The following PLEKHG6 variants were observed in gnomAD, a reference collection of about 807,000 sequenced individuals.
The protein encoded by PLEKHG6 is pleckstrin homology domain-containing family G member 6.
A neutral mutation model predicts 97.5 loss-of-function variants in PLEKHG6; 91 were observed. The observed-to-expected ratio is 0.93, with a 90% CI of 0.79 to 1.11. The LOEUF (loss-of-function observed/expected upper bound fraction) is 1.11, where lower values mean the gene tolerates loss of function less well. Ranked by LOEUF, PLEKHG6 falls within the 50% of genes most tolerant of loss-of-function variation. PLEKHG6 has a pLI of 0.00. For missense variants in PLEKHG6, 1,044 were observed against 1,031.0 expected, an observed-to-expected ratio of 1.01 and a Z score of -0.17; for synonymous variants, 466 against 425.5, an observed-to-expected ratio of 1.10 and a Z score of -1.17.
chr12:6,318,800 G>A lies in PLEKHG6; in HGVS notation c.1331G>A (p.Arg444His), dbSNP rs764740431. The A allele has an allele frequency of 1.2e-5, 19 of 1,614,114 alleles. No individual in the cohort carries two copies. The highest frequency in any genetic ancestry group is 3.3e-5 in the South Asian group (3 of 91,086). The change falls in exon 12 of 16, where the codon CGC (arginine) becomes CAC (histidine). Residue 444 changes from arginine to histidine, a missense_variant. By Grantham distance (29) the Arg-to-His change is conservative. Transcript: ENST00000684764. ...GTGCTCCTTGTGACCAAGCCCCAGC[G>A]CAAGGCGGACAAAGCCAAGGTCATC... ...SDVLLVTKPQRKADKAKVIRP... is the reference protein window; with the variant it reads ...SDVLLVTKPQHKADKAKVIRP...
At chr12:6,313,562 CT>C in intron 2 of PLEKHG6, 66 bp from the exon 3 acceptor site, 1 of 1,576,854 alleles carries the variant, frequency 6.3e-7, no homozygotes, top group Non-Finnish European at 8.6e-7. Context: ...GCCTGCCCCC[CT>C]ACTACCTCTC....
chr12:6,314,993 CG>C lies in PLEKHG6; in HGVS notation c.295-10del, dbSNP rs772275370. 6.2e-7 allele frequency: 1 copy of C among 1,611,200 alleles called. No homozygotes were observed. Among genetic ancestry groups the C allele is most frequent in the Non-Finnish European group, 8.5e-7 (1 of 1,178,566 alleles). On this transcript the variant is annotated splice_polypyrimidine_tract_variant and intron_variant, in intron 3 of 15. Transcript: ENST00000684764. ...ATGTGACCAGAGCTGATGCCCTTCT[CG>C]GCTCCCCCAGGAACTCACCAAGGCC...
Position 6,316,455 on chromosome 12 carries a change from G to C in PLEKHG6, c.756+51G>C. On this transcript the variant is annotated intron_variant, in intron 7 of 15. Transcript: ENST00000684764. This position sits in a 1 kb window ranked among gnomAD's most constrained non-coding sequence, Gnocchi z 4.1. ...GGATGGGGCAGGACTCGGAGCCCTC[G>C]GGGGTCCTGTGTGTAGGGCATGCCC... 6.7e-6 allele frequency: 10 copies of C among 1,499,870 alleles called. No individual in the cohort carries two copies. Among genetic ancestry groups the C allele is most frequent in the Non-Finnish European group, 9.0e-6 (10 of 1,114,466 alleles). 92.9% of individuals were successfully genotyped at this position (1,499,870 alleles called of 1,614,324 possible).
chr12:6,316,295 T>A lies in PLEKHG6; in HGVS notation c.647T>A (p.Ile216Asn). 6.4e-7 allele frequency: 1 copy of A among 1,555,662 alleles called. No homozygotes were observed. The highest frequency in any genetic ancestry group is 8.7e-7 in the Non-Finnish European group (1 of 1,148,726). The stretch of plus-strand genomic sequence containing the variant: ...CTGTTTGGAAATGTCCCCAGCCTGA[T>A]TCGAACCCACCGGAGCTTTTGGGAT... ...ETLFGNVPSL[I>N]RTHRSFWDEV... The change falls in exon 7 of 16, where the codon ATT becomes AAT. Residue 216 changes from isoleucine to asparagine, a missense_variant. Coordinates refer to ENST00000684764, the MANE Select transcript of PLEKHG6 (RefSeq NM_001384598.1). This position sits in a 1 kb window ranked among gnomAD's most constrained non-coding sequence, Gnocchi z 4.1.
chr12:6,325,142 A>G (rs970798479), intron 13 of PLEKHG6, among the ~76,000 whole-genome samples: 3 of 152,006 alleles, frequency 2.0e-5, no homozygotes, highest in Non-Finnish European at 2.9e-5. Flanking sequence ...CTCCGCCTCC[A>G]ACCTCAGCTC....
At position 6,315,822 on chromosome 12, in the gene PLEKHG6, C is replaced by T; in HGVS notation, c.556-47C>T. 2.6e-6 allele frequency: 4 copies of T among 1,516,334 alleles called. No homozygotes were observed. The highest frequency in any genetic ancestry group is 2.7e-6 in the Non-Finnish European group (3 of 1,119,640). The allele number at this position is 1,516,334 out of a possible 1,614,324, so 93.9% of individuals were successfully genotyped here. ...TGGTGGGGGGTGGGAGGTGACGACACTGAAGGGCTGCGCTGGGTCCTGAGA... is the reference window on the plus strand; with the variant it reads ...TGGTGGGGGGTGGGAGGTGACGACATTGAAGGGCTGCGCTGGGTCCTGAGA... On this transcript the variant is annotated intron_variant, in intron 5 of 15. Coordinates refer to ENST00000684764, the MANE Select transcript of PLEKHG6 (RefSeq NM_001384598.1). This position sits in a 1 kb window ranked among gnomAD's most constrained non-coding sequence, Gnocchi z 4.5.
intron 13 of PLEKHG6, among the ~76,000 whole-genome samples, chr12:6,324,289 C>T (rs1305915259): frequency 1.1e-5 from 1 of 87,046 alleles, no homozygotes; most frequent in African/African-American, 4.5e-5. Context: ...CCCCTCGCCC[C>T]CCTCCCCCCC....
chr12:6,312,840 G>A (rs1481076274), intron 2 of PLEKHG6: 1 of 1,271,822 alleles, frequency 7.9e-7, no homozygotes, highest in Non-Finnish European at 1.0e-6. Context: ...CCACCTGCCT[G>A]GCTCTCCTCC....
Position 6,316,278 on chromosome 12 carries a change from A to T in PLEKHG6, c.630A>T (p.Gly210=). 6.4e-7 allele frequency: 1 copy of T among 1,554,326 alleles called. No individual in the cohort carries two copies. The highest frequency in any genetic ancestry group is 8.7e-7 in the Non-Finnish European group (1 of 1,148,028). Reference sequence around the variant, plus strand: ...AGGTGTCAGCTGAGACCCTGTTTGGAAATGTCCCCAGCCTGATTCGAACCC... The same window carrying T: ...AGGTGTCAGCTGAGACCCTGTTTGGTAATGTCCCCAGCCTGATTCGAACCC... ...LMEVSAETLF[G]NVPSLIRTHR... Residue 210 remains glycine, a synonymous_variant, in exon 7 of 16, where the codon GGA becomes GGT. Transcript: ENST00000684764. The surrounding 1 kb of genome is among the most constrained non-coding windows in gnomAD (Gnocchi z 4.1).
chr12:6,322,025 G>A (rs1947721908), intron 13 of PLEKHG6, among the ~76,000 whole-genome samples: 1 of 152,092 alleles, frequency 6.6e-6, no homozygotes, highest in Non-Finnish European at 1.5e-5. Flanking sequence ...ATGACTACCT[G>A]CTTCCTAGGG....
At chr12:6,323,237 A>G (rs1947756621) in intron 13 of PLEKHG6, among the ~76,000 whole-genome samples, 1 of 152,262 alleles carries the variant, frequency 6.6e-6, no homozygotes, top group Non-Finnish European at 1.5e-5. Context: ...GTCAAGATCT[A>G]TAACCAAGAT....
intron 14 of PLEKHG6, 54 bp from the exon 15 acceptor site, chr12:6,327,200 T>C (rs1191381171): frequency 8.8e-7 from 1 of 1,142,664 alleles, no homozygotes; most frequent in African/African-American, 1.6e-5. Flanking sequence ...CAAGGGAAAC[T>C]CCCTGGACTT....
intron 11 of PLEKHG6, 78 bp from the exon 12 acceptor site, chr12:6,318,667 G>A: frequency 6.7e-7 from 1 of 1,498,810 alleles, no homozygotes; most frequent in African/African-American, 1.4e-5. Flanking sequence ...TGCGCACCAT[G>A]CCTGAGCCTC....
At chr12:6,312,749 T>C (rs955040736) in intron 2 of PLEKHG6, 7 of 1,164,616 alleles carry the variant, frequency 6.0e-6, no homozygotes, top group South Asian at 5.1e-5. Flanking sequence ...AGGATGAAGA[T>C]GAGCAAAGGT....
chr12:6,327,748 T>C lies in PLEKHG6; in HGVS notation c.2165T>C (p.Phe722Ser). 1 of 1,546,618 alleles carries C rather than the reference T, an allele frequency of 6.5e-7. No individual in the cohort carries two copies. The change falls in exon 15 of 16, where the codon TTC (phenylalanine) becomes TCC (serine). Residue 722 changes from phenylalanine (F) to serine (S), a missense_variant. Physicochemically the swap from Phe to Ser is radical, Grantham distance 155. Transcript: ENST00000684764. ...GAGGAGGAAGAAGAGGGGCCTCTGT[T>C]CCTGAAAGCTGGCCACACATCCCTG... ...SGEEEEEGPL[F>S]LKAGHTSLRP...
chr12:6,311,332 A>G (rs1298182105), intron 1 of PLEKHG6, among the ~76,000 whole-genome samples: 1 of 152,182 alleles, frequency 6.6e-6, no homozygotes, highest in Admixed American at 6.5e-5. Context: ...GAAACTGGAG[A>G]AACTCTAATT....
chr12:6,318,321 C>A lies in PLEKHG6; in HGVS notation c.1176C>A (p.Thr392=). The A allele has an allele frequency of 6.2e-7, 1 of 1,614,120 alleles. No homozygotes were observed. Among genetic ancestry groups the A allele is most frequent in the South Asian group, 1.1e-5 (1 of 91,090 alleles). Residue 392 remains threonine, a synonymous_variant, in exon 11 of 16, where the codon ACC becomes ACA. Coordinates refer to ENST00000684764, the MANE Select transcript of PLEKHG6 (RefSeq NM_001384598.1). The stretch of plus-strand genomic sequence containing the variant: ...CTCAGAACCTGCGCCCATTCTCCAC[C>A]CTGGACCTGACGTCCCCCATGCTGG... The part of the protein sequence containing the change: ...EVEKNLRPFS[T]LDLTSPMLGV...
chr12:6,313,601 C>T (rs1947347782), intron 2 of PLEKHG6, 28 bp from the exon 3 acceptor site: 2 of 1,612,554 alleles, frequency 1.2e-6, no homozygotes. Context: ...GGGAGGCACC[C>T]CCAGAACTTC....
chr12:6,327,176 C>A, intron 14 of PLEKHG6, 78 bp from the exon 15 acceptor site: 1 of 856,678 alleles, frequency 1.2e-6, no homozygotes, highest in Non-Finnish European at 1.9e-6. Flanking sequence ...GGGGCCATTT[C>A]TGGATGTAGT....
Sources: gnomAD v4.1 joint callset for allele counts (sites outside exome capture counted in the v4.1 genomes callset) on GRCh38, gnomAD v4.1.1 for gene constraint, Gnocchi (gnomAD v3.1) non-coding constraint, MANE v1.5 for transcripts, NCBI Gene and HGNC (gene_info 2026-07-23, HGNC 2026-07-21) for gene names.